LDB2: variants seen among roughly 807,000 people sequenced by gnomAD.
LDB2 encodes the protein LIM domain-binding protein 2.
A neutral mutation model predicts 44.3 loss-of-function variants in LDB2; 12 were observed. The observed-to-expected ratio is 0.27, with a 90% CI of 0.17 to 0.44. The LOEUF (loss-of-function observed/expected upper bound fraction) is 0.44, where lower values mean the gene tolerates loss of function less well. Ranked by LOEUF, LDB2 falls within the 20% of genes least tolerant of loss-of-function variation. LDB2 has a pLI of 1.00. For synonymous variants in LDB2, 164 were observed against 174.8 expected (o/e 0.94, Z 0.49); for missense variants, 344 against 473.5 (o/e 0.73, Z 2.54).
intron 3 of LDB2, among the ~76,000 whole-genome samples, chr4:16,591,589 C>A (rs1184347333): frequency 6.6e-6 from 1 of 152,140 alleles, no homozygotes; most frequent in African/African-American, 2.4e-5. Flanking sequence ...CTGGTCTTCC[C>A]CAAGTAATTA....
At chr4:16,821,169 G>A (rs1006577573) in intron 1 of LDB2, among the ~76,000 whole-genome samples, 1 of 152,074 alleles carries the variant, frequency 6.6e-6, no homozygotes, top group African/African-American at 2.4e-5. Flanking sequence ...AAATTGTCTC[G>A]CTTTCTCGCT....
chr4:16,575,880 G>A (rs532640029), intron 5 of LDB2, among the ~76,000 whole-genome samples: 2 of 152,286 alleles, frequency 1.3e-5, no homozygotes, highest in South Asian at 4.1e-4. Flanking sequence ...GGGATTACAG[G>A]CACCTGCCAT....
At chr4:16,588,621 TCA>T in intron 4 of LDB2, 87 bp downstream of exon 4, 1 of 1,367,976 alleles carries the variant, frequency 7.3e-7, no homozygotes, top group Non-Finnish European at 1.0e-6. Flanking sequence ...TGGAATTCTT[TCA>T]CAGAGAGAGG....
chr4:16,522,975 T>G (rs911565049), intron 5 of LDB2, among the ~76,000 whole-genome samples: 4 of 152,236 alleles, frequency 2.6e-5, no homozygotes, highest in Non-Finnish European at 4.4e-5. Flanking sequence ...GACGAATTAT[T>G]GTCCTTCAGT....
chr4:16,662,370 T>C (rs549151955), intron 2 of LDB2, among the ~76,000 whole-genome samples: 2 of 152,314 alleles, frequency 1.3e-5, no homozygotes, highest in East Asian at 1.9e-4. Flanking sequence ...AAAATAAATA[T>C]TGGACATCAG....
intron 1 of LDB2, 31 bp from the exon 2 acceptor site, chr4:16,759,291 G>C (rs1185328796): frequency 7.0e-7 from 1 of 1,418,716 alleles, no homozygotes; most frequent in South Asian, 1.2e-5. Context: ...TATTTAACAA[G>C]GGAAAGTGGG....
intron 2 of LDB2, among the ~76,000 whole-genome samples, chr4:16,598,467 A>G (rs1273816246): frequency 6.6e-6 from 1 of 152,182 alleles, no homozygotes; most frequent in Admixed American, 6.5e-5. Flanking sequence ...TTGAGCTCCA[A>G]TTGAGCTGCC....
rs540802565 is a variant in LDB2 at position 16,605,862 on chromosome 4, G to A, written c.236-9987C>T. On this transcript the variant is annotated intron_variant, in intron 2 of 7. Coordinates refer to ENST00000304523, the MANE Select transcript of LDB2 (RefSeq NM_001290.5). The stretch of plus-strand genomic sequence containing the variant: ...AATGGAGGAGCCTCTGGTTTCCTAA[G>A]TTACCACCAGGAGGGGGAACTGCCA... Among the ~76,000 whole-genome samples the A allele has an allele frequency of 1.2e-4, 19 of 152,276 alleles. No individual in the cohort carries two copies. The South Asian group carries it at 3.9e-3, about 32-fold the overall frequency.
intron 2 of LDB2, among the ~76,000 whole-genome samples, chr4:16,746,844 G>A (rs1764493070): frequency 6.6e-6 from 1 of 152,142 alleles, no homozygotes; most frequent in Non-Finnish European, 1.5e-5. Context: ...GTAATCATAT[G>A]CATTCCTAAT....
chr4:16,615,611 G>A (rs1386893724), intron 2 of LDB2, among the ~76,000 whole-genome samples: 1 of 152,046 alleles, frequency 6.6e-6, no homozygotes, highest in African/African-American at 2.4e-5. Flanking sequence ...GTTGGGGGGT[G>A]GGGGGTGAAG....
chr4:16,867,720 G>T (rs1230032188), intron 1 of LDB2, among the ~76,000 whole-genome samples: 1 of 152,028 alleles, frequency 6.6e-6, no homozygotes, highest in Admixed American at 6.5e-5. Context: ...AGATTTCAAG[G>T]TGGTAGTTGG....
intron 2 of LDB2, among the ~76,000 whole-genome samples, chr4:16,737,571 T>C (rs1762145040): frequency 6.6e-6 from 1 of 152,158 alleles, no homozygotes; most frequent in Admixed American, 6.5e-5. Context: ...AGTACGTTAA[T>C]TAGATGAAGC....
chr4:16,810,030 G>A (rs1330780177), intron 1 of LDB2, among the ~76,000 whole-genome samples: 1 of 152,192 alleles, frequency 6.6e-6, no homozygotes, highest in Non-Finnish European at 1.5e-5. Context: ...CTGGACATCC[G>A]TTCTGAGTGG....
intron 1 of LDB2, among the ~76,000 whole-genome samples, chr4:16,800,379 C>A (rs1172373182): frequency 1.3e-5 from 2 of 152,210 alleles, no homozygotes; most frequent in African/African-American, 4.8e-5. Context: ...TTTCACCATT[C>A]TTTTAGTGCA....
In LDB2 at chr4:16,533,236, C is replaced by T. The variant is rs998016295; in HGVS notation, c.616-21132G>A. Among the ~76,000 whole-genome samples the T allele has an allele frequency of 1.3e-5, 2 of 152,164 alleles. No homozygotes were observed. Among genetic ancestry groups the T allele is most frequent in the African/African-American group, 4.8e-5 (2 of 41,444 alleles). On this transcript the variant is annotated intron_variant, in intron 5 of 7. Transcript: ENST00000304523. The surrounding 1 kb of genome is among the most constrained non-coding windows in gnomAD (Gnocchi z 4.1). The stretch of plus-strand genomic sequence containing the variant: ...CCCAGGTTCAAATCCCAGCCAGGTC[C>T]TACCAGCTGTGTGACTCTCCTCAAG...
rs114013317 is a variant in LDB2 at position 16,744,767 on chromosome 4, C to T, written c.235+14391G>A. ...CTGGGATTACAGGCCTGAGACACCG[C>T]GCCCAGCCAAGTCACGTGTTTTATG... On this transcript the variant is annotated intron_variant, in intron 2 of 7. Transcript: ENST00000304523. 7.3e-3 allele frequency among the ~76,000 whole-genome samples: 1,107 copies of T among 152,330 alleles called. 8 individuals are homozygous for T. Among genetic ancestry groups the T allele is most frequent in the Admixed American group, 0.011 (170 of 15,308 alleles).
At chr4:16,574,538 T>A (rs759672908) in intron 5 of LDB2, among the ~76,000 whole-genome samples, 1 of 152,218 alleles carries the variant, frequency 6.6e-6, no homozygotes, top group East Asian at 1.9e-4. Context: ...ATTTACAGTT[T>A]AGGAAGTGCT....
At position 16,780,356 on chromosome 4, in the gene LDB2, G is replaced by A. The variant is rs552186866; in HGVS notation, c.133-21096C>T. On this transcript the variant is annotated intron_variant, in intron 1 of 7. Coordinates refer to ENST00000304523, the MANE Select transcript of LDB2 (RefSeq NM_001290.5). ...TCTGGCCTTAGCCTCCCCAGTAGCT[G>A]AGATTATAGGCGCCTGCCACCACAC... is the stretch of plus-strand genomic sequence containing the variant. Among the ~76,000 whole-genome samples, 22 of 152,266 alleles carry A rather than the reference G, an allele frequency of 1.4e-4. 1 individual carries two copies. Among genetic ancestry groups the A allele is most frequent in the Admixed American group, 1.2e-3 (18 of 15,284 alleles).
At chr4:16,875,381 A>G (rs866430341) in intron 1 of LDB2, among the ~76,000 whole-genome samples, 2 of 152,230 alleles carry the variant, frequency 1.3e-5, no homozygotes, top group African/African-American at 4.8e-5. Context: ...TAAAAAGCAG[A>G]TCCTGTGGCC....
Sources: allele counts gnomAD v4.1 joint callset (sites outside exome capture counted in the v4.1 genomes callset), GRCh38; gene constraint gnomAD v4.1.1; non-coding constraint Gnocchi (gnomAD v3.1); transcripts MANE v1.5; gene names NCBI Gene and HGNC (gene_info 2026-07-23, HGNC 2026-07-21).